Variants in RDH5 observed in about 807,000 individuals in gnomAD.
RDH5 encodes the protein 11-cis RDH.
RDH5 carries 25 observed loss-of-function variants against 24.0 expected under a neutral mutation model. The ratio of observed to expected loss-of-function variants is 1.04; its 90% CI spans 0.76 to 1.46. RDH5 has a LOEUF of 1.46. Among genes scored for constraint, RDH5 ranks in the 40% most tolerant of loss-of-function variants. RDH5 has a pLI of 0.00. For missense variants in RDH5, 369 were observed against 410.3 expected, an observed-to-expected ratio of 0.90 and a Z score of 0.87; for synonymous variants, 170 against 175.2, an observed-to-expected ratio of 0.97 and a Z score of 0.23.
chr12:55,721,508 A>G lies in RDH5; in HGVS notation c.310+14A>G, dbSNP rs367978535. The stretch of plus-strand genomic sequence containing the variant: ...TTAAGGAAGCAGGTAAGTATGGTAG[A>G]CCACCAGGAATATGGTGTGGGGTGT... On this transcript the variant is annotated intron_variant, in intron 2 of 4. Coordinates refer to ENST00000257895, the MANE Select transcript of RDH5 (RefSeq NM_002905.5). The surrounding 1 kb of genome is among the most constrained non-coding windows in gnomAD (Gnocchi z 4.7). 1.9e-6 allele frequency: 3 copies of G among 1,603,230 alleles called. No homozygotes were observed. Among genetic ancestry groups the G allele is most frequent in the Non-Finnish European group, 1.7e-6 (2 of 1,179,904 alleles).
At position 55,720,507 on chromosome 12, in the gene RDH5, C is replaced by T. The variant is rs989622089; in HGVS notation, c.-43C>T. The T allele has an allele frequency of 3.9e-5, 6 of 152,456 alleles. No individual in the cohort carries two copies. The highest frequency in any genetic ancestry group is 6.5e-5 in the Admixed American group (1 of 15,298). The allele number at this position is 152,456 out of a possible 1,614,324, so 9.4% of individuals were successfully genotyped here. On this transcript the variant is annotated 5_prime_UTR_variant, in exon 1 of 5. Coordinates refer to ENST00000257895, the MANE Select transcript of RDH5 (RefSeq NM_002905.5). ...GGGCGCTGTAGTACCTGCCAGCTTTCGCCACAGGAGGTAAGTGGATACTGG... is the reference window on the plus strand; with the variant it reads ...GGGCGCTGTAGTACCTGCCAGCTTTTGCCACAGGAGGTAAGTGGATACTGG...
chr12:55,724,248 G>T (rs1319862109), intron 4 of RDH5, 74 bp from the exon 5 acceptor site: 1 of 1,559,614 alleles, frequency 6.4e-7, no homozygotes, highest in Non-Finnish European at 8.8e-7. Context: ...CAAGCCCAGG[G>T]CCCCAGAAGA....
chr12:55,724,277 G>T (rs1282076289), intron 4 of RDH5, 45 bp from the exon 5 acceptor site: 2 of 1,602,084 alleles, frequency 1.2e-6, no homozygotes, highest in Non-Finnish European at 1.7e-6. Flanking sequence ...AAGATGGGCT[G>T]GAGTGAGGAA....
chr12:55,724,186 A>T, intron 4 of RDH5, 136 bp from the exon 5 acceptor site: 1 of 1,451,586 alleles, frequency 6.9e-7, no homozygotes, highest in South Asian at 1.2e-5. Flanking sequence ...AAGAGTGCCC[A>T]GGCCATGTGG....
rs1427317232 is a variant in RDH5, at chr12:55,721,626, GGAA to G, written c.311-57_311-55del. On this transcript the variant is annotated intron_variant, in intron 2 of 4. Transcript: ENST00000257895. The surrounding 1 kb of genome is among the most constrained non-coding windows in gnomAD (Gnocchi z 4.7). ...GAGAAGCAGTTTTCAGATGCTCCCAGGAAGAAGAGGGAGCTGTGGGAGTGCCTC... is the reference window on the plus strand; with the variant it reads ...GAGAAGCAGTTTTCAGATGCTCCCAGGAAGAGGGAGCTGTGGGAGTGCCTC... 5 of 1,598,294 alleles carry G rather than the reference GGAA, an allele frequency of 3.1e-6. No homozygotes were observed. The highest frequency in any genetic ancestry group is 4.2e-6 in the Non-Finnish European group (5 of 1,177,084).
intron 1 of RDH5, among the ~76,000 whole-genome samples, 196 bp from the exon 2 acceptor site, chr12:55,720,957 G>A (rs1421211374): frequency 6.6e-6 from 1 of 151,712 alleles, no homozygotes; most frequent in Non-Finnish European, 1.5e-5. Context: ...GGCTCATGTG[G>A]TTTTAGTTAA....
In RDH5 at chr12:55,721,107, G is replaced by A. The variant is rs1373277083; in HGVS notation, c.-32-46G>A. 3.0e-6 allele frequency: 4 copies of A among 1,330,152 alleles called. No homozygotes were observed. The highest frequency in any genetic ancestry group is 2.4e-4 in the Middle Eastern group (1 of 4,132). 82.4% of individuals were successfully genotyped at this position (1,330,152 alleles called of 1,614,324 possible). ...GCTAGGGAGGGTATTAGGGGAAAGG[G>A]CTTGAGGGCCACAGTAAACTGGACA... is the stretch of plus-strand genomic sequence containing the variant. On this transcript the variant is annotated intron_variant, in intron 1 of 4. Coordinates refer to ENST00000257895, the MANE Select transcript of RDH5 (RefSeq NM_002905.5). The surrounding 1 kb of genome is among the most constrained non-coding windows in gnomAD (Gnocchi z 4.7).
chr12:55,724,628 C>T lies in RDH5; in HGVS notation c.*83C>T. 3 of 1,250,304 alleles carry T rather than the reference C, an allele frequency of 2.4e-6. No homozygotes were observed. Among genetic ancestry groups the T allele is most frequent in the Non-Finnish European group, 3.5e-6 (3 of 869,234 alleles). 77.5% of individuals were successfully genotyped at this position (1,250,304 alleles called of 1,614,324 possible). A position where few individuals can be genotyped will look rare whatever the true frequency, so the allele number is the denominator to read the frequency against. ...CCCCCACCCTGGTACTGCCTGGTGC[C>T]TGCCACAAAATAAGCACTAACAAAA... On this transcript the variant is annotated 3_prime_UTR_variant, in exon 5 of 5. Transcript: ENST00000257895.
chr12:55,721,178 T>G lies in RDH5; in HGVS notation c.-7T>G. 6.2e-7 allele frequency: 1 copy of G among 1,613,726 alleles called. No individual in the cohort carries two copies. Among genetic ancestry groups the G allele is most frequent in the Non-Finnish European group, 8.5e-7 (1 of 1,179,978 alleles). Reference sequence around the variant, plus strand: ...GCTGCCACCTGTAGGTCACTTGGGCTCCAGCTATGTGGCTGCCTCTTCTGC... The same window carrying G: ...GCTGCCACCTGTAGGTCACTTGGGCGCCAGCTATGTGGCTGCCTCTTCTGC... On this transcript the variant is annotated 5_prime_UTR_variant, in exon 2 of 5. Transcript: ENST00000257895. The surrounding 1 kb of genome is among the most constrained non-coding windows in gnomAD (Gnocchi z 4.7).
intron 3 of RDH5, 55 bp downstream of exon 3, chr12:55,722,002 G>A (rs1316688946): frequency 1.6e-5 from 25 of 1,583,444 alleles, no homozygotes; most frequent in African/African-American, 5.4e-5. Context: ...CTCAACAAAC[G>A]TGGGCCAGCA....
Position 55,721,421 on chromosome 12 carries a change from C to T in RDH5, c.237C>T (p.Thr79=). The part of the protein sequence containing the change: ...QRVASSRLHT[T]LLDITDPQSV... ...TGGCCTCCTCCCGCCTCCACACCAC[C>T]CTGTTGGATATCACTGATCCCCAGA... is the stretch of plus-strand genomic sequence containing the variant. Residue 79 remains threonine (T), a synonymous_variant, in exon 2 of 5, where the codon ACC becomes ACT. Transcript: ENST00000257895. This position sits in a 1 kb window ranked among gnomAD's most constrained non-coding sequence, Gnocchi z 4.7. The T allele has an allele frequency of 6.2e-7, 1 of 1,613,768 alleles. No homozygotes were observed. The highest frequency in any genetic ancestry group is 8.5e-7 in the Non-Finnish European group (1 of 1,180,022).
Position 55,721,282 on chromosome 12 carries a change from T to A in RDH5, c.98T>A (p.Ile33Asn). ...CCCGCCAGCAATGCCTTTGTCTTCA[T>A]CACCGGCTGTGACTCAGGCTTTGGG... ...SLPASNAFVF[I>N]TGCDSGFGRL... is the part of the protein sequence containing the mutation. Residue 33 changes from isoleucine (I) to asparagine (N), a missense_variant, in exon 2 of 5, where the codon ATC (isoleucine) becomes AAC (asparagine). Ile to Asn is a moderately radical substitution (Grantham distance 149). Transcript: ENST00000257895. The surrounding 1 kb of genome is among the most constrained non-coding windows in gnomAD (Gnocchi z 4.7). 1 of 1,614,114 alleles carries A rather than the reference T, an allele frequency of 6.2e-7. No homozygotes were observed. Among genetic ancestry groups the A allele is most frequent in the Non-Finnish European group, 8.5e-7 (1 of 1,180,040 alleles).
intron 1 of RDH5, among the ~76,000 whole-genome samples, chr12:55,720,923 A>G (rs1876880738): frequency 6.6e-6 from 1 of 151,100 alleles, no homozygotes. Context: ...TCTGCTCCAT[A>G]CAGCAGGTCT....
rs1877115502 is a variant in RDH5 at position 55,724,587 on chromosome 12, C to CT, written c.*45dup. ...AGAGATTGTTTTTCAAGGACAAGGA[C>CT]TTTGATTTATTTCTGCCCCCACCCT... On this transcript the variant is annotated 3_prime_UTR_variant, in exon 5 of 5. Transcript: ENST00000257895. 6.3e-7 allele frequency: 1 copy of CT among 1,574,806 alleles called. No homozygotes were observed. The highest frequency in any genetic ancestry group is 1.7e-5 in the Admixed American group (1 of 59,912).
intron 3 of RDH5, chr12:55,722,211 G>T (rs1003851537): frequency 5.0e-6 from 2 of 400,834 alleles, no homozygotes; most frequent in Non-Finnish European, 9.0e-6. Context: ...GTGCAGTGGC[G>T]CGATCTTGGC....
intron 1 of RDH5, 61 bp downstream of exon 1, chr12:55,720,578 CA>C (rs1178430281): frequency 2.0e-5 from 3 of 152,832 alleles, no homozygotes; most frequent in African/African-American, 7.2e-5. Flanking sequence ...CATGTATTGC[CA>C]ACTCAAAACT....
At chr12:55,723,731 T>C in intron 3 of RDH5, 155 bp from the exon 4 acceptor site, 1 of 808,094 alleles carries the variant, frequency 1.2e-6, no homozygotes, top group Non-Finnish European at 2.1e-6. Context: ...TTCCTCCCTC[T>C]ACCCCACTTG....
chr12:55,722,738 A>C (rs1876988212), intron 3 of RDH5: 1 of 151,254 alleles, frequency 6.6e-6, no homozygotes, highest in South Asian at 2.1e-4. Flanking sequence ...GAGTTATACC[A>C]TGTTGGCCAG....
At chr12:55,724,102 G>A in intron 4 of RDH5, 53 bp downstream of exon 4, 1 of 1,583,996 alleles carries the variant, frequency 6.3e-7, no homozygotes, top group South Asian at 1.1e-5. Flanking sequence ...GTACCAGAAA[G>A]GCCAGTCCTG....
Sources: allele counts gnomAD v4.1 joint callset (sites outside exome capture counted in the v4.1 genomes callset), GRCh38; gene constraint gnomAD v4.1.1; non-coding constraint Gnocchi (gnomAD v3.1); transcripts MANE v1.5; gene names NCBI Gene and HGNC (gene_info 2026-07-23, HGNC 2026-07-21).